THEMIS: variants seen among roughly 807,000 people sequenced by gnomAD.
THEMIS encodes the protein thymocyte selection associated.
THEMIS carries 37 observed loss-of-function variants against 52.6 expected under a neutral mutation model. The ratio of observed to expected loss-of-function variants is 0.70; its 90% CI spans 0.54 to 0.93. The LOEUF (loss-of-function observed/expected upper bound fraction) is 0.93. THEMIS is among the 40% of genes least tolerant of loss of function. THEMIS has a pLI of 0.00. For synonymous variants in THEMIS, 292 were observed against 272.7 expected (o/e 1.07, Z -0.70); for missense variants, 808 against 763.1 (o/e 1.06, Z -0.69).
chr6:127,760,675 C>T (rs1024840932), intron 4 of THEMIS, among the ~76,000 whole-genome samples: 4 of 151,878 alleles, frequency 2.6e-5, no homozygotes, highest in Non-Finnish European at 5.9e-5. Context: ...ACTAGAGTGG[C>T]TGAGGCCCGG....
intron 4 of THEMIS, among the ~76,000 whole-genome samples, chr6:127,723,195 A>AC (rs1246565735): frequency 1.3e-5 from 2 of 151,588 alleles, no homozygotes; most frequent in Non-Finnish European, 2.9e-5. Context: ...TATATCCATC[A>AC]CCCCTTTGCT....
chr6:127,844,978 T>C (rs1192729616), intron 2 of THEMIS, among the ~76,000 whole-genome samples: 1 of 151,700 alleles, frequency 6.6e-6, no homozygotes, highest in Non-Finnish European at 1.5e-5. Flanking sequence ...AAGAGACATA[T>C]GGAAATAAAA....
chr6:127,880,571 T>TTA (rs1780451883), intron 1 of THEMIS, among the ~76,000 whole-genome samples: 2 of 133,006 alleles, frequency 1.5e-5, no homozygotes, highest in African/African-American at 2.8e-5. Flanking sequence ...AAAGACAAAT[T>TTA]AAAAAAAAAA....
intron 1 of THEMIS, among the ~76,000 whole-genome samples, chr6:127,916,352 C>T (rs1348601193): frequency 6.6e-6 from 1 of 152,076 alleles, no homozygotes; most frequent in Non-Finnish European, 1.5e-5. Flanking sequence ...ACCCAGTCCC[C>T]ACCACTGTCC....
At chr6:127,700,018 A>G in the THEMIS span, among the ~76,000 whole-genome samples, 14 of 151,918 alleles carry the variant, frequency 9.2e-5, no homozygotes, top group African/African-American at 3.1e-4. Context: ...GAAAAGATAA[A>G]CCACCGATCA....
intron 1 of THEMIS, among the ~76,000 whole-genome samples, chr6:127,891,538 C>CAAAAAAAAAAAAAA (rs67886431): frequency 1.0e-5 from 1 of 96,838 alleles, no homozygotes; most frequent in Non-Finnish European, 2.0e-5. Flanking sequence ...TCCAGCTCAA[C>CAAAAAAAAAAAAAA]AAAAAAAAAA....
At chr6:127,793,486 A>G (rs1294356739) in intron 4 of THEMIS, among the ~76,000 whole-genome samples, 1 of 152,172 alleles carries the variant, frequency 6.6e-6, no homozygotes, top group Non-Finnish European at 1.5e-5. Flanking sequence ...TTTCTACTAC[A>G]TGCAGGATTA....
rs566397853 is a variant in THEMIS at position 127,767,123 on chromosome 6, G to A, written c.1758+45760C>T. ...TGTTTTTTTTTGGAGATGGAGTCTCGCTCTGTCACCCAGGCTGGAGTGCAG... is the reference window on the plus strand; with the variant it reads ...TGTTTTTTTTTGGAGATGGAGTCTCACTCTGTCACCCAGGCTGGAGTGCAG... On this transcript the variant is annotated intron_variant, in intron 4 of 5. Coordinates refer to ENST00000368248, the MANE Select transcript of THEMIS (RefSeq NM_001010923.3). Among the ~76,000 whole-genome samples, 11 of 150,076 alleles carry A rather than the reference G, an allele frequency of 7.3e-5. 1 individual carries two copies. The highest frequency in any genetic ancestry group is 2.0e-4 in the African/African-American group (8 of 40,678).
intron 1 of THEMIS, among the ~76,000 whole-genome samples, chr6:127,880,704 A>T (rs2114426739): frequency 6.6e-6 from 1 of 152,250 alleles, no homozygotes; most frequent in South Asian, 2.1e-4. Context: ...AATGTAGACA[A>T]AAAACCTCTT....
rs34588130 is a variant in THEMIS, at chr6:127,731,694, CTTTTTTTTT to C, written c.1759-11880_1759-11872del. On this transcript the variant is annotated intron_variant, in intron 4 of 5. Coordinates refer to ENST00000368248, the MANE Select transcript of THEMIS (RefSeq NM_001010923.3). ...ATAGGTAGCTTTTTCTTTATTGCTA[CTTTTTTTTT>C]TTTTTTTTTTTTGAGATGGAGTCTC... Among the ~76,000 whole-genome samples the C allele has an allele frequency of 2.2e-4, 21 of 93,396 alleles. No homozygotes were observed. In the South Asian group the frequency reaches 6.8e-3, roughly 30 times the overall value. 61.3% of individuals were successfully genotyped at this position (93,396 alleles called of 152,430 possible).
intron 2 of THEMIS, among the ~76,000 whole-genome samples, chr6:127,849,902 T>C (rs534230634): frequency 5.1e-4 from 78 of 152,196 alleles, no homozygotes; most frequent in African/African-American, 1.8e-3. Flanking sequence ...CTAATTAAAC[T>C]GAAGAGTTTC....
intron 5 of THEMIS, among the ~76,000 whole-genome samples, chr6:127,714,869 G>A (rs761820210): frequency 5.3e-5 from 8 of 151,872 alleles, no homozygotes. Context: ...TATGGTACAC[G>A]GTTTTGCCTT....
chr6:127,850,265 A>T (rs1779375357), intron 2 of THEMIS, among the ~76,000 whole-genome samples: 1 of 151,956 alleles, frequency 6.6e-6, no homozygotes, highest in African/African-American at 2.4e-5. Context: ...CATAAATCTC[A>T]TGAAAAGGAA....
At chr6:127,911,877 G>A (rs1781420400) in intron 1 of THEMIS, among the ~76,000 whole-genome samples, 2 of 151,544 alleles carry the variant, frequency 1.3e-5, no homozygotes, top group Admixed American at 1.3e-4. Context: ...TAAGAAGGGG[G>A]CCATTGTCCT....
chr6:127,871,637 C>T (rs1478647976), intron 1 of THEMIS, among the ~76,000 whole-genome samples: 1 of 151,958 alleles, frequency 6.6e-6, no homozygotes, highest in Non-Finnish European at 1.5e-5. Context: ...AACATTCAGA[C>T]ATCAAAAATG....
upstream of THEMIS, among the ~76,000 whole-genome samples, chr6:127,901,955 A>C (rs1259075621): frequency 1.3e-5 from 2 of 152,066 alleles, no homozygotes; most frequent in African/African-American, 4.8e-5. Context: ...TATTTTTTGC[A>C]TGTAACTGAA....
chr6:127,730,619 AT>A (rs1368555522), intron 4 of THEMIS, among the ~76,000 whole-genome samples: 10 of 152,182 alleles, frequency 6.6e-5, no homozygotes, highest in African/African-American at 2.4e-4. Context: ...TCTTTGGAAG[AT>A]TTTATCAAAA....
chr6:127,746,598 T>C (rs1201522128), intron 4 of THEMIS, among the ~76,000 whole-genome samples: 3 of 146,382 alleles, frequency 2.0e-5, no homozygotes, highest in Non-Finnish European at 4.5e-5. Context: ...CTATATATTG[T>C]TATTGTTTTT....
intron 4 of THEMIS, among the ~76,000 whole-genome samples, chr6:127,720,787 T>C (rs1032499448): frequency 1.3e-5 from 2 of 151,974 alleles, no homozygotes; most frequent in Non-Finnish European, 2.9e-5. Context: ...TTTAGAATGA[T>C]TAAATAATTC....
Sources: gnomAD v4.1 joint callset for allele counts (sites outside exome capture counted in the v4.1 genomes callset) on GRCh38, gnomAD v4.1.1 for gene constraint, MANE v1.5 for transcripts, NCBI Gene and HGNC (gene_info 2026-07-23, HGNC 2026-07-21) for gene names.